The following KIF26B variants were observed in gnomAD, a reference collection of about 807,000 sequenced individuals.
The protein encoded by KIF26B is kinesin family member 26B.
In KIF26B, 63 loss-of-function variants were observed where a neutral mutation model predicts 151.2. The ratio of observed to expected loss-of-function variants is 0.42; its 90% CI spans 0.34 to 0.51. The LOEUF is 0.51. Among genes scored for constraint, KIF26B ranks in the 20% least tolerant of loss-of-function variants. KIF26B has a pLI of 0.07. For synonymous variants in KIF26B, 1,357 were observed against 1,262.1 expected, an observed-to-expected ratio of 1.08 and a Z score of -1.59; for missense variants, 2,813 against 2,913.6, an observed-to-expected ratio of 0.97 and a Z score of 0.79.
chr1:245,649,684 C>G (rs890678994), intron 10 of KIF26B, among the ~76,000 whole-genome samples: 1 of 150,404 alleles, frequency 6.6e-6, no homozygotes, highest in Non-Finnish European at 1.5e-5. Flanking sequence ...CTTCCCCCAC[C>G]CCCCCCAAAA....
At chr1:245,366,794 G>C (rs757692666) in intron 2 of KIF26B, 40 bp from the exon 3 acceptor site, 1 of 1,598,020 alleles carries the variant, frequency 6.3e-7, no homozygotes, top group Admixed American at 1.7e-5. Flanking sequence ...CAGCCTTGGA[G>C]TTATAGAATC....
chr1:245,455,719 G>A (rs1659503423), intron 4 of KIF26B, among the ~76,000 whole-genome samples: 1 of 152,132 alleles, frequency 6.6e-6, no homozygotes, highest in Non-Finnish European at 1.5e-5. Context: ...AGTGAGAGAG[G>A]CTGACCCTTG....
intron 2 of KIF26B, among the ~76,000 whole-genome samples, chr1:245,359,685 CTCCCTCCCTTCCCTCCT>C: frequency 6.7e-6 from 1 of 148,982 alleles, no homozygotes; most frequent in Non-Finnish European, 1.5e-5. Context: ...CCTTACTTCC[CTCCCTCCCTTCCCTCCT>C]TCCCTCCCTT....
chr1:245,392,545 A>G (rs988521891), intron 3 of KIF26B, among the ~76,000 whole-genome samples: 1 of 152,166 alleles, frequency 6.6e-6, no homozygotes, highest in Non-Finnish European at 1.5e-5. Flanking sequence ...TTGTGAAGGC[A>G]TTTCTCTATG....
intron 2 of KIF26B, among the ~76,000 whole-genome samples, chr1:245,303,627 C>T (rs915919378): frequency 7.9e-5 from 12 of 152,218 alleles, no homozygotes; most frequent in Non-Finnish European, 1.6e-4. Context: ...TAATTATTGC[C>T]TGCACACCGT....
chr1:245,655,218 T>C (rs867903382), intron 10 of KIF26B, among the ~76,000 whole-genome samples: 1 of 152,178 alleles, frequency 6.6e-6, no homozygotes, highest in Non-Finnish European at 1.5e-5. Context: ...ATCAGCAAAA[T>C]CTCAATCATT....
chr1:245,593,734 G>A (rs545584272), intron 5 of KIF26B, among the ~76,000 whole-genome samples: 28 of 152,248 alleles, frequency 1.8e-4, no homozygotes, highest in African/African-American at 6.3e-4. Flanking sequence ...CTAGATCCTT[G>A]AGGAATCACC....
At chr1:245,426,421 C>T (rs1004789618) in intron 4 of KIF26B, among the ~76,000 whole-genome samples, 2 of 152,212 alleles carry the variant, frequency 1.3e-5, no homozygotes, top group East Asian at 1.9e-4. Context: ...CAAGCTGTCC[C>T]TCACTTTCTC....
intron 2 of KIF26B, among the ~76,000 whole-genome samples, chr1:245,313,996 C>T (rs2102983707): frequency 6.6e-6 from 1 of 152,300 alleles, no homozygotes; most frequent in Non-Finnish European, 1.5e-5. Context: ...CTCTCGCTCT[C>T]CGCACCTGCT....
At chr1:245,402,443 A>G (rs897287269) in intron 3 of KIF26B, among the ~76,000 whole-genome samples, 2 of 152,180 alleles carry the variant, frequency 1.3e-5, no homozygotes, top group Non-Finnish European at 2.9e-5. Flanking sequence ...GATGTGGCCA[A>G]CGATTCCCAT....
At chr1:245,420,754 G>C (rs1310702146) in intron 4 of KIF26B, among the ~76,000 whole-genome samples, 3 of 152,232 alleles carry the variant, frequency 2.0e-5, no homozygotes, top group Non-Finnish European at 4.4e-5. Flanking sequence ...AAATTATAAA[G>C]TACTGTAGAA....
chr1:245,399,599 A>C (rs1411339736), intron 3 of KIF26B, among the ~76,000 whole-genome samples: 2 of 152,252 alleles, frequency 1.3e-5, no homozygotes, highest in Non-Finnish European at 2.9e-5. Context: ...ATCTAGAAAC[A>C]GAAATACCTT....
Position 245,338,414 on chromosome 1 carries a change from A to G in KIF26B, c.466-28420A>G, listed in dbSNP as rs145620049. On this transcript the variant is annotated intron_variant, in intron 2 of 14. Transcript: ENST00000407071. ...GAACTGAGTAGTTGAGACAGAAACC[A>G]TATGGCCTGCAGAGCCAAAAATACT... is the stretch of plus-strand genomic sequence containing the variant. 4.6e-5 allele frequency among the ~76,000 whole-genome samples: 7 copies of G among 152,348 alleles called. No homozygotes were observed. The East Asian group carries it at 1.3e-3, about 29-fold the overall frequency.
At chr1:245,190,275 A>G (rs1669076507) in intron 2 of KIF26B, among the ~76,000 whole-genome samples, 1 of 152,194 alleles carries the variant, frequency 6.6e-6, no homozygotes, top group Non-Finnish European at 1.5e-5. Context: ...TGTTCCCCCG[A>G]GGGCTCCACA....
At position 245,304,691 on chromosome 1, in the gene KIF26B, G is replaced by GTCCGTCCA. The variant is rs1553342830; in HGVS notation, c.466-62140_466-62139insGTCCATCC. Among the ~76,000 whole-genome samples the GTCCGTCCA allele has an allele frequency of 3.7e-5, 5 of 136,066 alleles. No individual in the cohort carries two copies. In the East Asian group the frequency reaches 9.7e-4, roughly 26 times the overall value. The allele number at this position is 136,066 out of a possible 152,430, so 89.3% of individuals were successfully genotyped here. ...TGTCTGCCTGTCCATCCATCCATAC[G>GTCCGTCCA]TCCATCCCTCCATCCATCCATCCAT... On this transcript the variant is annotated intron_variant, in intron 2 of 14. Transcript: ENST00000407071.
At chr1:245,417,275 A>G (rs979504859) in intron 3 of KIF26B, among the ~76,000 whole-genome samples, 5 of 149,566 alleles carry the variant, frequency 3.3e-5, no homozygotes, top group Admixed American at 6.7e-5. Context: ...TCTATATATC[A>G]CATTTTTTTA....
chr1:245,212,778 G>A (rs1171158462), intron 2 of KIF26B, among the ~76,000 whole-genome samples: 1 of 152,214 alleles, frequency 6.6e-6, no homozygotes, highest in Admixed American at 6.5e-5. Flanking sequence ...TACCATTCCT[G>A]TTCCTCACCG....
intron 4 of KIF26B, among the ~76,000 whole-genome samples, chr1:245,428,362 C>T (rs1381902850): frequency 6.6e-6 from 1 of 152,132 alleles, no homozygotes; most frequent in Non-Finnish European, 1.5e-5. Context: ...TATTTAGTGC[C>T]ATCCGATTTC....
intron 2 of KIF26B, among the ~76,000 whole-genome samples, chr1:245,208,201 G>A (rs1309308112): frequency 6.6e-6 from 1 of 152,070 alleles, no homozygotes; most frequent in African/African-American, 2.4e-5. Flanking sequence ...CTTGGCTGGG[G>A]GTAAAATAAG....
Sources: allele counts gnomAD v4.1 joint callset (sites outside exome capture counted in the v4.1 genomes callset), GRCh38; gene constraint gnomAD v4.1.1; transcripts MANE v1.5; gene names NCBI Gene and HGNC (gene_info 2026-07-23, HGNC 2026-07-21).